Variants in C3orf38 observed in about 807,000 individuals in gnomAD.
C3orf38 encodes chromosome 3 open reading frame 38.
C3orf38 carries 18 observed loss-of-function variants against 28.3 expected under a neutral mutation model. The observed-to-expected ratio is 0.64, with a 90% CI of 0.44 to 0.94. The LOEUF (loss-of-function observed/expected upper bound fraction) is 0.94. Among genes scored for constraint, C3orf38 ranks in the 40% least tolerant of loss-of-function variants. The pLI, the probability that C3orf38 is intolerant of heterozygous loss-of-function variation, is 0.00. For missense variants in C3orf38, 364 were observed against 396.4 expected, an observed-to-expected ratio of 0.92 and a Z score of 0.69; for synonymous variants, 145 against 138.1, an observed-to-expected ratio of 1.05 and a Z score of -0.35.
At chr3:88,153,082 T>TC in intron 1 of C3orf38, 148 bp from the exon 2 acceptor site, 1 of 755,154 alleles carries the variant, frequency 1.3e-6, no homozygotes, top group Non-Finnish European at 2.1e-6. Flanking sequence ...ACAACGGACT[T>TC]CCTATTTTTT....
rs531493812 is a variant in C3orf38 at position 88,156,786 on chromosome 3, A to G, written c.*151A>G. Reference sequence around the variant, plus strand: ...ATGTCTGAATGATTTCAGATGTGAAAATTGACATATTTTAGTTGAAATACC... The same window carrying G: ...ATGTCTGAATGATTTCAGATGTGAAGATTGACATATTTTAGTTGAAATACC... On this transcript the variant is annotated 3_prime_UTR_variant, in exon 3 of 3. Coordinates refer to ENST00000318887, the MANE Select transcript of C3orf38 (RefSeq NM_173824.4). The G allele has an allele frequency of 1.2e-6, 1 of 823,636 alleles. No individual in the cohort carries two copies. The highest frequency in any genetic ancestry group is 1.7e-5 in the African/African-American group (1 of 58,734). The allele number at this position is 823,636 out of a possible 1,614,324, so 51.0% of individuals were successfully genotyped here.
intron 2 of C3orf38, among the ~76,000 whole-genome samples, chr3:88,155,461 ATT>A (rs766206253): frequency 6.1e-5 from 3 of 48,832 alleles, no homozygotes; most frequent in African/African-American, 9.5e-5. Context: ...GTTCATACTG[ATT>A]TTTTTTTTTT....
At position 88,150,195 on chromosome 3, in the gene C3orf38, G is replaced by A. The variant is rs568752187; in HGVS notation, c.133+10G>A. 3 of 1,613,518 alleles carry A rather than the reference G, an allele frequency of 1.9e-6. No individual in the cohort carries two copies. The highest frequency in any genetic ancestry group is 2.7e-5 in the African/African-American group (2 of 75,036). ...CCTCAGGACCGCCAAGGTAAGGGCGGACCCTTCACCTAGAAGGCTGCCGCC... is the reference window on the plus strand; with the variant it reads ...CCTCAGGACCGCCAAGGTAAGGGCGAACCCTTCACCTAGAAGGCTGCCGCC... On this transcript the variant is annotated intron_variant, in intron 1 of 2. Transcript: ENST00000318887.
intron 1 of C3orf38, among the ~76,000 whole-genome samples, chr3:88,152,914 G>A (rs1178157179): frequency 6.6e-6 from 1 of 151,920 alleles, no homozygotes; most frequent in East Asian, 1.9e-4. Context: ...TAGGACTGTT[G>A]GCCTTATTAG....
At position 88,150,205 on chromosome 3, in the gene C3orf38, C is replaced by T. The variant is rs1430589210; in HGVS notation, c.133+20C>T. On this transcript the variant is annotated intron_variant, in intron 1 of 2. Transcript: ENST00000318887. Reference sequence around the variant, plus strand: ...GCCAAGGTAAGGGCGGACCCTTCACCTAGAAGGCTGCCGCCCCTTCCCCGG... The same window carrying T: ...GCCAAGGTAAGGGCGGACCCTTCACTTAGAAGGCTGCCGCCCCTTCCCCGG... 6.8e-6 allele frequency: 11 copies of T among 1,612,628 alleles called. No homozygotes were observed. The highest frequency in any genetic ancestry group is 6.6e-5 in the South Asian group (6 of 91,070).
rs769516729 is a variant in C3orf38 at position 88,153,333 on chromosome 3, G to C, written c.237G>C (p.Gly79=). ...TATTTAAGTACTTGGCAACACAGGGGATTGTTATACCTCCAGCTACTGAAA... is the reference window on the plus strand; with the variant it reads ...TATTTAAGTACTTGGCAACACAGGGCATTGTTATACCTCCAGCTACTGAAA... ...EVIFKYLATQ[G]IVIPPATEKH... is the part of the protein sequence containing the mutation. The change falls in exon 2 of 3, where the codon GGG becomes GGC. Residue 79 remains glycine (G), a synonymous_variant. Transcript: ENST00000318887. The C allele has an allele frequency of 1.9e-6, 3 of 1,613,842 alleles. No homozygotes were observed. The highest frequency in any genetic ancestry group is 2.5e-6 in the Non-Finnish European group (3 of 1,180,002).
rs2107933881 is a variant in C3orf38, at chr3:88,156,016, A to G, written c.376-5A>G. On this transcript the variant is annotated splice_region_variant and splice_polypyrimidine_tract_variant and intron_variant, in intron 2 of 2. Coordinates refer to ENST00000318887, the MANE Select transcript of C3orf38 (RefSeq NM_173824.4). ...TTTTGTATTTATTTTATTTGTTTCA[A>G]TCAGCAGGTGAAAGAAGATAAAAAA... 1 of 1,521,838 alleles carries G rather than the reference A, an allele frequency of 6.6e-7. No individual in the cohort carries two copies. Among genetic ancestry groups the G allele is most frequent in the Non-Finnish European group, 8.8e-7 (1 of 1,136,598 alleles). The allele number at this position is 1,521,838 out of a possible 1,614,324, so 94.3% of individuals were successfully genotyped here.
intron 1 of C3orf38, among the ~76,000 whole-genome samples, chr3:88,150,432 T>A (rs1707392906): frequency 6.6e-6 from 1 of 152,216 alleles, no homozygotes; most frequent in East Asian, 1.9e-4. Context: ...AATAAGTCAT[T>A]TAAATTTTTA....
Position 88,157,430 on chromosome 3 carries a change from C to G in C3orf38, c.*795C>G, listed in dbSNP as rs1422609236. ...TGTAATACAATATAAAGGAAATATG[C>G]TGTTGAAATTTTAAAGGTATGCCCA... On this transcript the variant is annotated 3_prime_UTR_variant, in exon 3 of 3. Transcript: ENST00000318887. 1 of 152,102 alleles carries G rather than the reference C, an allele frequency of 6.6e-6. No individual in the cohort carries two copies. Among genetic ancestry groups the G allele is most frequent in the Non-Finnish European group, 1.5e-5 (1 of 68,002 alleles). 9.4% of individuals were successfully genotyped at this position (152,102 alleles called of 1,614,324 possible). A position where few individuals can be genotyped will look rare whatever the true frequency, so the allele number is the denominator to read the frequency against.
chr3:88,153,325 A>G lies in C3orf38; in HGVS notation c.229A>G (p.Thr77Ala), dbSNP rs781117213. ...AGAAGTTATATTTAAGTACTTGGCA[A>G]CACAGGGGATTGTTATACCTCCAGC... ...HREVIFKYLA[T>A]QGIVIPPATE... is the part of the protein sequence containing the mutation. Residue 77 changes from threonine (T) to alanine (A), a missense_variant, in exon 2 of 3, where the codon ACA (threonine) becomes GCA (alanine). Coordinates refer to ENST00000318887, the MANE Select transcript of C3orf38 (RefSeq NM_173824.4). 2 of 1,614,162 alleles carry G rather than the reference A, an allele frequency of 1.2e-6. No individual in the cohort carries two copies. Among genetic ancestry groups the G allele is most frequent in the East Asian group, 4.5e-5 (2 of 44,874 alleles).
intron 2 of C3orf38, among the ~76,000 whole-genome samples, chr3:88,155,818 A>C (rs1323219951): frequency 6.6e-6 from 1 of 152,188 alleles, no homozygotes; most frequent in Non-Finnish European, 1.5e-5. Flanking sequence ...AATTTTCAGC[A>C]ATTTAAGCTG....
chr3:88,152,482 G>T (rs943164072), intron 1 of C3orf38, among the ~76,000 whole-genome samples: 2 of 151,618 alleles, frequency 1.3e-5, no homozygotes, highest in East Asian at 1.9e-4. Context: ...CAATAGTTGG[G>T]CCGGGCTTGG....
At chr3:88,152,577 A>G (rs1325187891) in intron 1 of C3orf38, among the ~76,000 whole-genome samples, 11 of 151,962 alleles carry the variant, frequency 7.2e-5, no homozygotes, top group Admixed American at 2.0e-4. Flanking sequence ...CCTGGCTAAC[A>G]CGGTGAAACC....
In C3orf38 at chr3:88,153,902, T is replaced by C. The variant is rs200976424; in HGVS notation, c.375+431T>C. 6.6e-5 allele frequency among the ~76,000 whole-genome samples: 10 copies of C among 152,256 alleles called. No homozygotes were observed. The East Asian group carries it at 1.9e-3, about 29-fold the overall frequency. ...TTTATAATTTTAACTTTATTTCATA[T>C]CCTATCAATCCTGAAGGAAGGAAGA... On this transcript the variant is annotated intron_variant, in intron 2 of 2. Transcript: ENST00000318887.
At chr3:88,153,533 C>T in intron 2 of C3orf38, 62 bp downstream of exon 2, 1 of 1,555,994 alleles carries the variant, frequency 6.4e-7, no homozygotes, top group Non-Finnish European at 8.7e-7. Flanking sequence ...TGTTGATAAT[C>T]CTAGATTGTG....
chr3:88,153,393 G>A lies in C3orf38; in HGVS notation c.297G>A (p.Trp99Ter), dbSNP rs761041825. 6.2e-7 allele frequency: 1 copy of A among 1,613,944 alleles called. No individual in the cohort carries two copies. Among genetic ancestry groups the A allele is most frequent in the South Asian group, 1.1e-5 (1 of 91,066 alleles). ...HNLIQHAKDYWQKQPQLKLKE... is the reference protein window; with the variant it reads ...HNLIQHAKDY ...TTATTCAGCATGCAAAAGATTACTG[G>A]CAAAAGCAACCACAACTGAAATTGA... Residue 99 changes from tryptophan (W) to a stop codon, truncating the protein, a stop_gained, in exon 2 of 3, where the codon TGG (tryptophan) becomes TGA (stop). Coordinates refer to ENST00000318887, the MANE Select transcript of C3orf38 (RefSeq NM_173824.4). LOFTEE classifies it high-confidence loss of function.
chr3:88,150,284 A>G (rs1368555710), intron 1 of C3orf38, 99 bp downstream of exon 1: 22 of 1,422,142 alleles, frequency 1.5e-5, no homozygotes, highest in Non-Finnish European at 2.1e-5. Flanking sequence ...CCGCAGCCGC[A>G]GATCCACAGC....
Position 88,156,011 on chromosome 3 carries a change from T to C in C3orf38, c.376-10T>C. ...TGTTATTTTGTATTTATTTTATTTG[T>C]TTCAATCAGCAGGTGAAAGAAGATA... On this transcript the variant is annotated splice_polypyrimidine_tract_variant and intron_variant, in intron 2 of 2. Coordinates refer to ENST00000318887, the MANE Select transcript of C3orf38 (RefSeq NM_173824.4). The C allele has an allele frequency of 6.6e-7, 1 of 1,517,356 alleles. No individual in the cohort carries two copies. The highest frequency in any genetic ancestry group is 8.8e-7 in the Non-Finnish European group (1 of 1,133,680). 94.0% of individuals were successfully genotyped at this position (1,517,356 alleles called of 1,614,324 possible).
chr3:88,152,095 C>A (rs1270681991), intron 1 of C3orf38, among the ~76,000 whole-genome samples: 1 of 152,122 alleles, frequency 6.6e-6, no homozygotes, highest in South Asian at 2.1e-4. Context: ...TCACACATGT[C>A]AGAAATATTC....
Sources: gnomAD v4.1 joint callset for allele counts (sites outside exome capture counted in the v4.1 genomes callset) on GRCh38, gnomAD v4.1.1 for gene constraint, MANE v1.5 for transcripts, NCBI Gene and HGNC (gene_info 2026-07-23, HGNC 2026-07-21) for gene names.